The following TENM4 variants were observed in gnomAD, a reference collection of about 807,000 sequenced individuals.
TENM4 encodes teneurin transmembrane protein 4, also known as teneurin-4.
In TENM4, 82 loss-of-function variants were observed where a neutral mutation model predicts 243.3. The observed-to-expected ratio is 0.34, with a 90% confidence interval of 0.28 to 0.40. The LOEUF is 0.40. Among genes scored for constraint, TENM4 ranks in the 10% least tolerant of loss-of-function variants. The probability of loss-of-function intolerance (pLI) is 1.00; values close to 1 mark genes in which losing one functional copy is unlikely to be tolerated. For synonymous variants in TENM4, 1,412 were observed against 1,456.3 expected (o/e 0.97, Z 0.69); for missense variants, 3,138 against 3,673.3 (o/e 0.85, Z 3.77).
At chr11:79,246,997 A>C (rs866017251) in intron 2 of TENM4, among the ~76,000 whole-genome samples, 7 of 117,536 alleles carry the variant, frequency 6.0e-5, no homozygotes, top group African/African-American at 1.6e-4. Context: ...AAAAAAAAAA[A>C]ACACCCCCCC....
intron 4 of TENM4, among the ~76,000 whole-genome samples, chr11:79,106,829 C>A (rs868488921): frequency 2.6e-5 from 4 of 152,212 alleles, no homozygotes; most frequent in Non-Finnish European, 2.9e-5. Context: ...CTCTTCATGG[C>A]AGCTGCCAAG....
intron 1 of TENM4, among the ~76,000 whole-genome samples, chr11:79,424,685 A>G (rs1455604978): frequency 6.6e-6 from 1 of 151,684 alleles, no homozygotes; most frequent in African/African-American, 2.4e-5. Flanking sequence ...CTGTAATCCC[A>G]ACACTTTGGG....
At chr11:79,109,660 G>C (rs11821477) in intron 4 of TENM4, among the ~76,000 whole-genome samples, 24,029 of 152,222 alleles carry the variant, frequency 0.16, 2,085 homozygotes, top group African/African-American at 0.22. Context: ...AAGTGTCAAA[G>C]GGTTGCCGAG....
intron 9 of TENM4, among the ~76,000 whole-genome samples, chr11:78,868,355 A>G (rs1052575018): frequency 2.0e-5 from 3 of 152,224 alleles, no homozygotes; most frequent in Admixed American, 2.0e-4. Flanking sequence ...TTTGTAATTC[A>G]GTGAAAAGGT....
At chr11:78,960,617 C>T (rs898537119) in intron 6 of TENM4, among the ~76,000 whole-genome samples, 12 of 152,152 alleles carry the variant, frequency 7.9e-5, no homozygotes, top group Non-Finnish European at 1.5e-4. Context: ...CCAGAACACC[C>T]TTGGTAATCT....
chr11:79,175,879 G>T (rs1327790603), intron 3 of TENM4, among the ~76,000 whole-genome samples: 1 of 152,164 alleles, frequency 6.6e-6, no homozygotes, highest in African/African-American at 2.4e-5. Flanking sequence ...GAGCCCAGGA[G>T]TTTGAGACCA....
chr11:78,846,781 A>G (rs1858404243), intron 12 of TENM4, among the ~76,000 whole-genome samples: 1 of 152,236 alleles, frequency 6.6e-6, no homozygotes. Flanking sequence ...GCACACAGTA[A>G]GAGGGGGTCT....
At chr11:78,800,506 G>A (rs1262272216) in intron 15 of TENM4, among the ~76,000 whole-genome samples, 2 of 152,140 alleles carry the variant, frequency 1.3e-5, no homozygotes, top group Non-Finnish European at 2.9e-5. Context: ...TGGGGAGGAG[G>A]TGGAGTCCTG....
rs148622608 is a variant in TENM4 at position 79,141,241 on chromosome 11, T to C, written c.-66+7469A>G. On this transcript the variant is annotated intron_variant, in intron 4 of 33. Transcript: ENST00000278550. ...CTTATTTTCTGACTGTGACTCAACA[T>C]TAAGAAATACATTTGAAGACTAAGA... Among the ~76,000 whole-genome samples the C allele has an allele frequency of 1.0e-3, 155 of 152,084 alleles. 1 individual carries two copies. Among genetic ancestry groups the C allele is most frequent in the African/African-American group, 3.6e-3 (150 of 41,514 alleles).
intron 6 of TENM4, among the ~76,000 whole-genome samples, chr11:78,979,842 C>T (rs928520221): frequency 6.6e-6 from 1 of 152,320 alleles, no homozygotes; most frequent in Non-Finnish European, 1.5e-5. Context: ...ATCAACTTGT[C>T]TGTACCACCT....
At chr11:79,088,291 T>C (rs1185084161) in intron 4 of TENM4, among the ~76,000 whole-genome samples, 6 of 152,132 alleles carry the variant, frequency 3.9e-5, no homozygotes, top group Non-Finnish European at 7.4e-5. Flanking sequence ...TTGTCTAGTA[T>C]GGTGTTTCTA....
intron 1 of TENM4, among the ~76,000 whole-genome samples, chr11:79,387,100 C>A (rs558014881): frequency 6.6e-6 from 1 of 152,120 alleles, no homozygotes; most frequent in East Asian, 1.9e-4. Flanking sequence ...TATGGAGCAA[C>A]GTGGATAAAT....
intron 18 of TENM4, 90 bp downstream of exon 18, chr11:78,770,902 G>C: frequency 4.0e-6 from 6 of 1,493,660 alleles, no homozygotes; most frequent in Non-Finnish European, 5.4e-6. Context: ...CTGGTGTGTT[G>C]GTGGCCTGTT....
intron 16 of TENM4, among the ~76,000 whole-genome samples, chr11:78,780,732 C>T (rs1856823859): frequency 2.0e-5 from 3 of 152,170 alleles, no homozygotes; most frequent in Admixed American, 2.0e-4. Flanking sequence ...ATTTCATTTT[C>T]AAGAACCACA....
intron 1 of TENM4, among the ~76,000 whole-genome samples, chr11:79,430,818 C>T (rs1365050439): frequency 2.0e-5 from 3 of 152,178 alleles, no homozygotes; most frequent in Non-Finnish European, 4.4e-5. Context: ...GCTGCTCAGT[C>T]AGAATCACCT....
At chr11:78,824,233 G>A (rs1393783767) in intron 12 of TENM4, among the ~76,000 whole-genome samples, 1 of 152,298 alleles carries the variant, frequency 6.6e-6, no homozygotes, top group Admixed American at 6.5e-5. Flanking sequence ...TCTGCAGGCT[G>A]TACAGGAAGC....
intron 12 of TENM4, among the ~76,000 whole-genome samples, chr11:78,816,586 T>A (rs1300937596): frequency 1.3e-5 from 2 of 152,172 alleles, no homozygotes; most frequent in Non-Finnish European, 2.9e-5. Flanking sequence ...TCCAGCCCAA[T>A]GATCTCATCT....
Position 79,440,984 on chromosome 11 carries a change from A to C in TENM4, c.-796T>G, listed in dbSNP as rs1200680183. ...CACACAGAAAGAGAGGGCGAGCGAG[A>C]GAGAGACACACACACACACGCACAC... On this transcript the variant is annotated 5_prime_UTR_variant, in exon 1 of 34. Coordinates refer to ENST00000278550, the MANE Select transcript of TENM4 (RefSeq NM_001098816.3). This position sits in a 1 kb window ranked among gnomAD's most constrained non-coding sequence, Gnocchi z 4.7. The C allele has an allele frequency of 1.3e-5, 2 of 151,808 alleles. No homozygotes were observed. The highest frequency in any genetic ancestry group is 4.8e-5 in the African/African-American group (2 of 41,238). The allele number at this position is 151,808 out of a possible 1,614,324, so 9.4% of individuals were successfully genotyped here. A position where few individuals can be genotyped will look rare whatever the true frequency, so the allele number is the denominator to read the frequency against.
At position 78,891,272 on chromosome 11, in the gene TENM4, C is replaced by A; in HGVS notation, c.814G>T (p.Gly272Cys). 2 of 1,551,694 alleles carry A rather than the reference C, an allele frequency of 1.3e-6. No individual in the cohort carries two copies. The highest frequency in any genetic ancestry group is 1.7e-6 in the Non-Finnish European group (2 of 1,147,012). Residue 272 changes from glycine (G) to cysteine (C), a missense_variant, in exon 8 of 34, where the codon GGC (glycine) becomes TGC (cysteine). Gly to Cys is a radical substitution (Grantham distance 159, BLOSUM62 -3). This residue lies in a region of TENM4 where 671 missense variants were observed against 614.1 expected (regional missense o/e 1.09). Transcript: ENST00000278550. ...TAAGCCCCATCATGGCGGGAGGCGC[C>A]GAGAATGTCCATCTCAATGAGGTTG... ...QDNLIEMDIL[G>C]ASRHDGAYSD...
Sources: allele counts gnomAD v4.1 joint callset (sites outside exome capture counted in the v4.1 genomes callset), GRCh38; gene constraint gnomAD v4.1.1; regional missense constraint gnomAD v4.1.1; non-coding constraint Gnocchi (gnomAD v3.1); transcripts MANE v1.5; gene names NCBI Gene and HGNC (gene_info 2026-07-23, HGNC 2026-07-21).